ATIC: variants seen among roughly 807,000 people sequenced by gnomAD.
ATIC encodes 5-aminoimidazole-4-carboxamide ribonucleotide formyltransferase/IMP cyclohydrolase.
In ATIC, 64 loss-of-function variants were observed where a neutral mutation model predicts 72.5. That is an observed-to-expected ratio of 0.88 (90% CI 0.72 to 1.09). The LOEUF is 1.09. ATIC is among the 50% of genes least tolerant of loss of function. The probability of loss-of-function intolerance (pLI) is 0.00; values close to 1 mark genes in which losing one functional copy is unlikely to be tolerated. For missense variants in ATIC, 787 were observed against 732.4 expected (o/e 1.07, Z -0.86); for synonymous variants, 281 against 267.1 (o/e 1.05, Z -0.51).
the ATIC span, chr2:215,361,872 T>A: frequency 5.7e-5 from 84 of 1,478,184 alleles, no homozygotes; most frequent in East Asian, 2.2e-4. Flanking sequence ...TTTTTTTTTT[T>A]AATTAATTAA....
At position 215,325,290 on chromosome 2, in the gene ATIC, G is replaced by A; in HGVS notation, c.340G>A (p.Gly114Ser). The A allele has an allele frequency of 6.2e-7, 1 of 1,613,920 alleles. No homozygotes were observed. The highest frequency in any genetic ancestry group is 2.2e-5 in the East Asian group (1 of 44,874). The change falls in exon 5 of 16, where the codon GGT (glycine) becomes AGT (serine). Residue 114 changes from glycine (G) to serine (S), a missense_variant. Coordinates refer to ENST00000236959, the MANE Select transcript of ATIC (RefSeq NM_004044.7). ...CTTTGTAAAGACAGTGGCTTCTCCA[G>A]GTGTAACTGTTGAGGAGGCTGTGGA... Reference protein sequence around the residue: ...YPFVKTVASPGVTVEEAVEQI... With the variant: ...YPFVKTVASPSVTVEEAVEQI...
intron 4 of ATIC, among the ~76,000 whole-genome samples, chr2:215,324,643 A>G (rs759123160): frequency 6.6e-6 from 1 of 152,142 alleles, no homozygotes; most frequent in Non-Finnish European, 1.5e-5. Flanking sequence ...AGCTCCTCGC[A>G]CTACAGGCCT....
intron 11 of ATIC, 140 bp downstream of exon 11, chr2:215,336,264 A>T (rs2052953798): frequency 1.4e-6 from 1 of 707,142 alleles, no homozygotes; most frequent in Non-Finnish European, 2.4e-6. Context: ...TGCATTTAAA[A>T]AAATACTATT....
intron 11 of ATIC, among the ~76,000 whole-genome samples, chr2:215,338,573 A>G (rs16853823): frequency 0.22 from 33,455 of 152,136 alleles, 3,895 homozygotes; most frequent in East Asian, 0.5. Context: ...TGGCTGTTGT[A>G]TCATACCAGA....
chr2:215,319,118 C>T (rs1381932816), intron 3 of ATIC, among the ~76,000 whole-genome samples: 1 of 152,016 alleles, frequency 6.6e-6, no homozygotes, highest in Non-Finnish European at 1.5e-5. Flanking sequence ...TGGGCTCAAG[C>T]GATCCCCCAC....
intron 4 of ATIC, among the ~76,000 whole-genome samples, chr2:215,321,362 G>T (rs1219250951): frequency 2.6e-5 from 4 of 152,254 alleles, no homozygotes; most frequent in Non-Finnish European, 5.9e-5. Context: ...GTCATACCCT[G>T]TTGTTTATCA....
Position 215,312,092 on chromosome 2 carries a change from T to C in ATIC, c.-51T>C, listed in dbSNP as rs1207051083. On this transcript the variant is annotated 5_prime_UTR_variant, in exon 1 of 16. Coordinates refer to ENST00000236959, the MANE Select transcript of ATIC (RefSeq NM_004044.7). ...CCGGCAGCCCTCCTACCTGCGCACG[T>C]GGTGCCGCCGCTGCTGCCTCCCGCT... 2 of 1,530,034 alleles carry C rather than the reference T, an allele frequency of 1.3e-6. No homozygotes were observed. The highest frequency in any genetic ancestry group is 1.2e-5 in the South Asian group (1 of 83,218). The allele number at this position is 1,530,034 out of a possible 1,614,324, so 94.8% of individuals were successfully genotyped here.
At chr2:215,343,845 A>G (rs954032154) in intron 12 of ATIC, among the ~76,000 whole-genome samples, 3 of 152,222 alleles carry the variant, frequency 2.0e-5, no homozygotes, top group Non-Finnish European at 2.9e-5. Flanking sequence ...TCCATTTAGC[A>G]TACAGACGTG....
At chr2:215,338,222 A>C (rs2052978172) in intron 11 of ATIC, among the ~76,000 whole-genome samples, 1 of 152,218 alleles carries the variant, frequency 6.6e-6, no homozygotes, top group African/African-American at 2.4e-5. Context: ...TTGGGAGAGG[A>C]AGATGGCAGT....
In ATIC at chr2:215,319,726, T is replaced by C. The variant is rs1226363289; in HGVS notation, c.285T>C (p.Leu95=). ...ACATGGCCAGACTTGATTTCAATCT[T>C]ATAAGGTAAAAACCTGAAATTAAAC... ...NADMARLDFN[L]IRVVACNLYP... The change falls in exon 4 of 16, where the codon CTT becomes CTC. Residue 95 remains leucine (L), a synonymous_variant. Coordinates refer to ENST00000236959, the MANE Select transcript of ATIC (RefSeq NM_004044.7). The C allele has an allele frequency of 1.2e-6, 2 of 1,606,900 alleles. No homozygotes were observed. Among genetic ancestry groups the C allele is most frequent in the East Asian group, 4.5e-5 (2 of 44,842 alleles).
At chr2:215,361,632 A>T in the ATIC span, 7 of 1,607,362 alleles carry the variant, frequency 4.4e-6, no homozygotes, top group African/African-American at 5.4e-5. Context: ...ACATTCTGTT[A>T]AAAAGGAAGA....
the ATIC span, among the ~76,000 whole-genome samples, chr2:215,359,386 C>G: frequency 1.3e-5 from 2 of 152,210 alleles, no homozygotes; most frequent in Non-Finnish European, 2.9e-5. Context: ...ACATGTGTCT[C>G]AGGGGGTTGT....
chr2:215,312,350 C>A (rs1320042682), intron 1 of ATIC, 148 bp from the exon 2 acceptor site: 1 of 1,520,248 alleles, frequency 6.6e-7, no homozygotes. Context: ...GGGTGTAAGA[C>A]CTGGGGAGGC....
At chr2:215,349,879 GC>G, downstream of ATIC, 2 of 739,156 alleles carry the variant, frequency 2.7e-6, no homozygotes, top group Non-Finnish European at 4.3e-6. Context: ...CCGGAGCTCA[GC>G]CCATCCCACA....
chr2:215,335,945 ATTAT>A lies in ATIC; in HGVS notation c.1009-86_1009-83del, dbSNP rs2106024549. The A allele has an allele frequency of 3.0e-6, 3 of 1,016,052 alleles. No homozygotes were observed. The East Asian group carries it at 7.8e-5, about 26-fold the overall frequency. The allele number at this position is 1,016,052 out of a possible 1,614,324, so 62.9% of individuals were successfully genotyped here. On this transcript the variant is annotated intron_variant, in intron 10 of 15. Transcript: ENST00000236959. ...GGCAGAAACCAGAATATGCTGCCAC[ATTAT>A]TTAAGACTGATAATTGCTGCTAGAT...
At chr2:215,360,368 C>T in the ATIC span, 1 of 152,188 alleles carries the variant, frequency 6.6e-6, no homozygotes, top group Admixed American at 6.5e-5. Flanking sequence ...TGTCAGCTGA[C>T]CCAAAGTAAG....
At chr2:215,362,105 A>G in the ATIC span, 16 of 1,551,468 alleles carry the variant, frequency 1.0e-5, no homozygotes, top group Non-Finnish European at 8.9e-6. Context: ...CATGAAGTCA[A>G]ATGGGGTTTA....
Position 215,333,443 on chromosome 2 carries a change from A to G in ATIC, c.908A>G (p.Tyr303Cys). The change falls in exon 9 of 16, where the codon TAT becomes TGT. Residue 303 changes from tyrosine to cysteine, a missense_variant. Tyr to Cys is a radical substitution (Grantham distance 194). Transcript: ENST00000236959. ...ACCCTCACACCCATCTCAGCGGCAT[A>G]TGCAAGAGCAAGAGGTCAGACTCAT... ...YKTLTPISAA[Y>C]ARARGADRMS... is the part of the protein sequence containing the mutation. The G allele has an allele frequency of 6.2e-7, 1 of 1,614,102 alleles. No homozygotes were observed.
the ATIC span, chr2:215,362,646 G>A: frequency 6.4e-6 from 1 of 156,548 alleles, no homozygotes; most frequent in Non-Finnish European, 1.4e-5. Flanking sequence ...ACTTCCCTAG[G>A]CAGTGACATG....
Sources: gnomAD v4.1 joint callset for allele counts (sites outside exome capture counted in the v4.1 genomes callset) on GRCh38, gnomAD v4.1.1 for gene constraint, MANE v1.5 for transcripts, NCBI Gene and HGNC (gene_info 2026-07-23, HGNC 2026-07-21) for gene names.